The following UST variants were observed in gnomAD, a reference collection of about 807,000 sequenced individuals.
UST encodes the protein chondroitin sulfate 2-O-sulfotransferase.
In UST, 21 loss-of-function variants were observed where a neutral mutation model predicts 45.6. The ratio of observed to expected loss-of-function variants is 0.46; its 90% confidence interval spans 0.33 to 0.66. The LOEUF is 0.66. Among genes scored for constraint, UST ranks in the 30% least tolerant of loss-of-function variants. The probability of loss-of-function intolerance (pLI) is 0.02; values close to 1 mark genes in which losing one functional copy is unlikely to be tolerated. For missense variants in UST, 463 were observed against 512.4 expected (o/e 0.90, Z 0.93); for synonymous variants, 215 against 200.6 (o/e 1.07, Z -0.61).
At chr6:148,845,635 A>G (rs1043241719) in intron 1 of UST, among the ~76,000 whole-genome samples, 4 of 152,200 alleles carry the variant, frequency 2.6e-5, no homozygotes, top group African/African-American at 9.7e-5. Flanking sequence ...TCTGTTGGGT[A>G]AATACTTAAC....
intron 2 of UST, among the ~76,000 whole-genome samples, chr6:148,890,391 C>T (rs142341655): frequency 3.2e-4 from 49 of 152,274 alleles, no homozygotes; most frequent in African/African-American, 1.2e-3. Context: ...CATGCCTGGC[C>T]TCTGGAATGA....
chr6:148,854,769 A>C (rs1433368477), intron 1 of UST, among the ~76,000 whole-genome samples: 2 of 152,190 alleles, frequency 1.3e-5, no homozygotes, highest in African/African-American at 4.8e-5. Flanking sequence ...TTGGGTCAAG[A>C]GGGTAGAAAT....
intron 3 of UST, among the ~76,000 whole-genome samples, chr6:148,949,395 AAATAATAATAATAAT>A (rs71007932): frequency 5.1e-5 from 7 of 136,858 alleles, no homozygotes; most frequent in South Asian, 2.6e-4. Flanking sequence ...CTTTGTCTCA[AAATAATAATAATAAT>A]AATAATAATA....
intron 4 of UST, among the ~76,000 whole-genome samples, chr6:148,962,461 A>G (rs1364112176): frequency 6.6e-6 from 1 of 152,250 alleles, no homozygotes; most frequent in Non-Finnish European, 1.5e-5. Flanking sequence ...AATTAGGTGC[A>G]TATTTGGTAT....
intron 7 of UST, among the ~76,000 whole-genome samples, chr6:149,033,712 G>A (rs1190755096): frequency 1.3e-5 from 2 of 152,144 alleles, no homozygotes; most frequent in East Asian, 1.9e-4. Flanking sequence ...CATAGCATAC[G>A]CTTCTAGATG....
intron 1 of UST, among the ~76,000 whole-genome samples, chr6:148,789,001 A>G (rs1447745849): frequency 2.0e-5 from 3 of 152,236 alleles, no homozygotes; most frequent in South Asian, 2.1e-4. Context: ...GTAGCTACCT[A>G]TGCCTGCCCG....
At chr6:148,960,681 T>C (rs1780638439) in intron 4 of UST, among the ~76,000 whole-genome samples, 1 of 152,248 alleles carries the variant, frequency 6.6e-6, no homozygotes, top group Non-Finnish European at 1.5e-5. Context: ...CACTGAATTG[T>C]ACACTTGAAA....
At chr6:149,056,856 T>A (rs1185183789) in intron 7 of UST, among the ~76,000 whole-genome samples, 1 of 152,248 alleles carries the variant, frequency 6.6e-6, no homozygotes, top group Non-Finnish European at 1.5e-5. Flanking sequence ...TAGCACCTCC[T>A]ATTAACCTAA....
At chr6:149,038,911 A>G (rs1776273193) in intron 7 of UST, among the ~76,000 whole-genome samples, 1 of 152,202 alleles carries the variant, frequency 6.6e-6, no homozygotes, top group African/African-American at 2.4e-5. Context: ...TAGTTTGAAG[A>G]ATGTTAATAT....
chr6:148,755,697 G>A (rs1462235311), intron 1 of UST, among the ~76,000 whole-genome samples: 1 of 150,792 alleles, frequency 6.6e-6, no homozygotes, highest in African/African-American at 2.4e-5. Context: ...GGATTACTGG[G>A]GTCCAGTATT....
At chr6:148,958,246 G>C (rs116491356) in intron 4 of UST, among the ~76,000 whole-genome samples, 248 of 152,176 alleles carry the variant, frequency 1.6e-3, no homozygotes, top group African/African-American at 5.9e-3. Flanking sequence ...GAGTTAGAAG[G>C]AACCATATCT....
chr6:149,055,499 A>G (rs145129015), intron 7 of UST, among the ~76,000 whole-genome samples: 61 of 152,262 alleles, frequency 4.0e-4, no homozygotes, highest in African/African-American at 1.3e-3. Context: ...CACACTTTTT[A>G]AGAATGCTTT....
chr6:148,789,031 G>A (rs558108275), intron 1 of UST, among the ~76,000 whole-genome samples: 4 of 152,314 alleles, frequency 2.6e-5, no homozygotes, highest in African/African-American at 4.8e-5. Context: ...CCTACTTAGC[G>A]TTGTCTTAGA....
At chr6:148,983,053 T>G (rs1303580845) in intron 5 of UST, among the ~76,000 whole-genome samples, 1 of 152,248 alleles carries the variant, frequency 6.6e-6, no homozygotes, top group African/African-American at 2.4e-5. Context: ...AAAGCCATAT[T>G]GAGCACTGAG....
intron 5 of UST, among the ~76,000 whole-genome samples, chr6:148,974,415 G>A (rs369560155): frequency 6.6e-6 from 1 of 152,152 alleles, no homozygotes; most frequent in Admixed American, 6.5e-5. Flanking sequence ...CTAAGCACAT[G>A]TAACAAACAA....
intron 1 of UST, 59 bp from the exon 2 acceptor site, chr6:148,886,927 C>A: frequency 1.4e-6 from 2 of 1,380,080 alleles, no homozygotes; most frequent in South Asian, 1.2e-5. Context: ...AATAACTTTG[C>A]ACTAAATTCA....
intron 5 of UST, among the ~76,000 whole-genome samples, chr6:148,977,399 T>G (rs1781035698): frequency 6.6e-6 from 1 of 152,102 alleles, no homozygotes; most frequent in Admixed American, 6.5e-5. Flanking sequence ...TTACTCAGCT[T>G]TTTCCCCAAT....
intron 2 of UST, among the ~76,000 whole-genome samples, chr6:148,930,057 A>G (rs559133858): frequency 6.6e-6 from 1 of 152,190 alleles, no homozygotes; most frequent in African/African-American, 2.4e-5. Context: ...CTTTGAAGCC[A>G]TACAATTTCT....
intron 1 of UST, among the ~76,000 whole-genome samples, chr6:148,774,289 TAA>T (rs894695764): frequency 4.9e-4 from 54 of 110,500 alleles, no homozygotes; most frequent in African/African-American, 1.5e-3. Context: ...TATATATATA[TAA>T]AAATATAATG....
Sources: gnomAD v4.1 joint callset for allele counts (sites outside exome capture counted in the v4.1 genomes callset) on GRCh38, gnomAD v4.1.1 for gene constraint, MANE v1.5 for transcripts, NCBI Gene and HGNC (gene_info 2026-07-23, HGNC 2026-07-21) for gene names.